DYRK4: variants seen among roughly 807,000 people sequenced by gnomAD.
DYRK4 encodes the protein dual specificity tyrosine-phosphorylation-regulated kinase 4.
A neutral mutation model predicts 68.3 loss-of-function variants in DYRK4; 64 were observed. That is an observed-to-expected ratio of 0.94 (90% CI 0.77 to 1.15). The LOEUF (loss-of-function observed/expected upper bound fraction) is 1.15, where lower values mean the gene tolerates loss of function less well. Ranked by LOEUF, DYRK4 falls within the 50% of genes most tolerant of loss-of-function variation. The pLI, the probability that DYRK4 is intolerant of heterozygous loss-of-function variation, is 0.00. For missense variants in DYRK4, 740 were observed against 764.7 expected (o/e 0.97, Z 0.38); for synonymous variants, 274 against 289.9 (o/e 0.95, Z 0.56).
At chr12:4,594,050 G>A (rs1417309792) in intron 6 of DYRK4, among the ~76,000 whole-genome samples, 1 of 152,170 alleles carries the variant, frequency 6.6e-6, no homozygotes, top group Non-Finnish European at 1.5e-5. Flanking sequence ...CACACTTTGA[G>A]AAGCAAGGAT....
chr12:4,599,244 A>G lies in DYRK4; in HGVS notation c.1044+78A>G, dbSNP rs567669823. ...TTCCCCAGGCCGTGTAACAATCACA[A>G]ACTCCAATCAAATAATTGCCTTTGA... On this transcript the variant is annotated intron_variant, in intron 9 of 14. Coordinates refer to ENST00000543431, the MANE Select transcript of DYRK4 (RefSeq NM_001394779.1). 54 of 1,390,548 alleles carry G rather than the reference A, an allele frequency of 3.9e-5. No homozygotes were observed. In the Admixed American group the frequency reaches 1.0e-3, roughly 27 times the overall value. 86.1% of individuals were successfully genotyped at this position (1,390,548 alleles called of 1,614,324 possible).
intron 2 of DYRK4, among the ~76,000 whole-genome samples, chr12:4,584,329 A>G (rs1476677909): frequency 1.3e-5 from 2 of 152,210 alleles, no homozygotes; most frequent in African/African-American, 4.8e-5. Flanking sequence ...TCCAAGGTCC[A>G]CTGCAACTCA....
chr12:4,612,493 A>T (rs768718511), intron 13 of DYRK4, 50 bp from the exon 14 acceptor site: 10 of 1,547,428 alleles, frequency 6.5e-6, no homozygotes, highest in Non-Finnish European at 7.9e-6. Context: ...GTTTTAATAT[A>T]TTAAAAGGAA....
intron 2 of DYRK4, among the ~76,000 whole-genome samples, chr12:4,578,020 ACTTT>A (rs1041502856): frequency 1.4e-4 from 22 of 152,094 alleles, no homozygotes; most frequent in African/African-American, 5.1e-4. Flanking sequence ...TTTTCTTTTT[ACTTT>A]CTTTATGTTG....
rs200517627 is a variant in DYRK4, at chr12:4,612,538, T to C, written c.1491-5T>C. On this transcript the variant is annotated splice_polypyrimidine_tract_variant and splice_region_variant and intron_variant, in intron 13 of 14. Coordinates refer to ENST00000543431, the MANE Select transcript of DYRK4 (RefSeq NM_001394779.1). ...TAACCCATGTGGGGCTTTGTTGGGGTGCAGATGGGAACCTTCTCTTCGCAT... is the reference window on the plus strand; with the variant it reads ...TAACCCATGTGGGGCTTTGTTGGGGCGCAGATGGGAACCTTCTCTTCGCAT... 17 of 1,613,204 alleles carry C rather than the reference T, an allele frequency of 1.1e-5. 1 individual carries two copies. The South Asian group carries it at 1.8e-4, about 17-fold the overall frequency.
intron 12 of DYRK4, among the ~76,000 whole-genome samples, chr12:4,607,873 T>C (rs1022724885): frequency 2.6e-5 from 4 of 152,190 alleles, no homozygotes; most frequent in African/African-American, 9.7e-5. Context: ...TTGCCAATGG[T>C]TAAGCAAGGA....
intron 6 of DYRK4, among the ~76,000 whole-genome samples, chr12:4,595,177 C>T (rs1231095742): frequency 6.6e-6 from 1 of 152,194 alleles, no homozygotes; most frequent in Non-Finnish European, 1.5e-5. Context: ...AGTAGACTAA[C>T]CTACATGCAT....
At chr12:4,583,069 G>T (rs1944860058) in intron 2 of DYRK4, among the ~76,000 whole-genome samples, 1 of 152,094 alleles carries the variant, frequency 6.6e-6, no homozygotes, top group Non-Finnish European at 1.5e-5. Flanking sequence ...TGGTGAAGGG[G>T]TATCTTTATT....
intron 10 of DYRK4, chr12:4,602,372 G>A (rs919240667): frequency 2.8e-5 from 25 of 897,086 alleles, no homozygotes; most frequent in Non-Finnish European, 3.7e-5. Context: ...TTTTGTTCTC[G>A]TTTTGTAGTT....
chr12:4,594,515 C>T (rs372980274), intron 6 of DYRK4, among the ~76,000 whole-genome samples: 90 of 152,300 alleles, frequency 5.9e-4, no homozygotes, highest in African/African-American at 1.9e-3. Flanking sequence ...TGAGCCACTG[C>T]GCCTGGCTGG....
Position 4,613,086 on chromosome 12 carries a change from C to T in DYRK4, c.1666+368C>T, listed in dbSNP as rs145192681. 1.9e-3 allele frequency among the ~76,000 whole-genome samples: 286 copies of T among 152,304 alleles called. 1 individual carries two copies. The highest frequency in any genetic ancestry group is 6.0e-3 in the African/African-American group (250 of 41,566). ...CTCCTCCTCCCTTTTTCATTAACTGCGTCCACCCCTTTATGCCCTATAATT... is the reference window on the plus strand; with the variant it reads ...CTCCTCCTCCCTTTTTCATTAACTGTGTCCACCCCTTTATGCCCTATAATT... On this transcript the variant is annotated intron_variant, in intron 14 of 14. Transcript: ENST00000543431. This position sits in a 1 kb window ranked among gnomAD's most constrained non-coding sequence, Gnocchi z 4.0.
rs570890165 is a variant in DYRK4, at chr12:4,613,733, G to A, written c.1885G>A (p.Val629Ile). ...AAACTTCTCCCTCAAGAACACAAACGTTTTACCCCCTATTGTATGACCTTT... is the reference window on the plus strand; with the variant it reads ...AAACTTCTCCCTCAAGAACACAAACATTTTACCCCCTATTGTATGACCTTT... ...SKNFSLKNTN[V>I]LPPIV Residue 629 changes from valine (V) to isoleucine (I), a missense_variant, in exon 15 of 15, where the codon GTT (valine) becomes ATT (isoleucine). Val to Ile is a conservative substitution (Grantham distance 29, BLOSUM62 3). Coordinates refer to ENST00000543431, the MANE Select transcript of DYRK4 (RefSeq NM_001394779.1). This position sits in a 1 kb window ranked among gnomAD's most constrained non-coding sequence, Gnocchi z 4.0. The A allele has an allele frequency of 2.2e-5, 34 of 1,571,804 alleles. No individual in the cohort carries two copies. The highest frequency in any genetic ancestry group is 2.1e-4 in the South Asian group (18 of 86,840).
chr12:4,612,010 G>A (rs1156816779), intron 13 of DYRK4, among the ~76,000 whole-genome samples: 2 of 152,190 alleles, frequency 1.3e-5, no homozygotes, highest in Non-Finnish European at 2.9e-5. Flanking sequence ...GGTTCTGTGA[G>A]TTAGTATCTT....
At chr12:4,579,879 G>C (rs866064549) in intron 2 of DYRK4, among the ~76,000 whole-genome samples, 16 of 151,560 alleles carry the variant, frequency 1.1e-4, no homozygotes, top group Non-Finnish European at 5.9e-5. Flanking sequence ...TTTCCTGGCA[G>C]AACACAAAGA....
At chr12:4,576,068 T>C (rs1944786231) in intron 2 of DYRK4, among the ~76,000 whole-genome samples, 1 of 152,236 alleles carries the variant, frequency 6.6e-6, no homozygotes, top group South Asian at 2.1e-4. Flanking sequence ...TCCTCCTTTG[T>C]GTTGTACATT....
chr12:4,565,422 C>T (rs1336884090), intron 1 of DYRK4, among the ~76,000 whole-genome samples: 2 of 152,080 alleles, frequency 1.3e-5, no homozygotes, highest in African/African-American at 4.8e-5. Context: ...CTCCAGTCTC[C>T]AGTCTCATTA....
intron 2 of DYRK4, among the ~76,000 whole-genome samples, chr12:4,577,023 A>AT (rs1356543130): frequency 2.6e-5 from 4 of 152,050 alleles, no homozygotes; most frequent in African/African-American, 9.7e-5. Context: ...CAGCGTATCC[A>AT]TTTTTTTCCG....
chr12:4,585,505 A>T (rs1944887175), intron 2 of DYRK4, among the ~76,000 whole-genome samples: 1 of 152,200 alleles, frequency 6.6e-6, no homozygotes, highest in African/African-American at 2.4e-5. Flanking sequence ...GGAAACCATC[A>T]TTCTCAGCAA....
intron 9 of DYRK4, 181 bp from the exon 10 acceptor site, chr12:4,599,526 C>A: frequency 1.7e-6 from 1 of 580,984 alleles, no homozygotes; most frequent in Non-Finnish European, 3.0e-6. Flanking sequence ...TGAGAAACGC[C>A]GACCACAAGT....
Sources: allele counts gnomAD v4.1 joint callset (sites outside exome capture counted in the v4.1 genomes callset), GRCh38; gene constraint gnomAD v4.1.1; non-coding constraint Gnocchi (gnomAD v3.1); transcripts MANE v1.5; gene names NCBI Gene and HGNC (gene_info 2026-07-23, HGNC 2026-07-21).